Variants in ECT2L observed in about 807,000 individuals in gnomAD.
ECT2L encodes the protein epithelial cell-transforming sequence 2 oncogene-like.
Under a neutral mutation model 122.8 loss-of-function variants are expected in ECT2L, and 126 were observed. The ratio of observed to expected loss-of-function variants is 1.03; its 90% CI spans 0.89 to 1.19. ECT2L has a LOEUF of 1.19. ECT2L is among the 50% of genes most tolerant of loss of function. The probability of loss-of-function intolerance (pLI) is 0.00; values close to 1 mark genes in which losing one functional copy is unlikely to be tolerated. For synonymous variants in ECT2L, 385 were observed against 381.8 expected, an observed-to-expected ratio of 1.01 and a Z score of -0.10; for missense variants, 1,012 against 1,064.1, an observed-to-expected ratio of 0.95 and a Z score of 0.68.
Position 138,838,427 on chromosome 6 carries a change from T to G in ECT2L, c.255T>G (p.Ile85Met). Reference sequence around the variant, plus strand: ...TCTCTACAGTGTTACCACGCTTCATTTCTCTATATATCTTTTCCTTTTTGA... The same window carrying G: ...TCTCTACAGTGTTACCACGCTTCATGTCTCTATATATCTTTTCCTTTTTGA... ...VDFSTVLPRF[I>M]SLYIFSFLSP... The change falls in exon 5 of 22, where the codon ATT becomes ATG. Residue 85 changes from isoleucine to methionine, a missense_variant. Ile to Met is a conservative substitution (Grantham distance 10, BLOSUM62 1). Transcript: ENST00000541398. 1 of 1,614,090 alleles carries G rather than the reference T, an allele frequency of 6.2e-7. No individual in the cohort carries two copies.
rs11398299 is a variant in ECT2L at position 138,844,795 on chromosome 6, C to CTTT, written c.764+231_764+233dup. On this transcript the variant is annotated intron_variant, in intron 7 of 21. Transcript: ENST00000541398. ...ATACAAAACTTACATTTTAAATGTTCTTTTTTTTTTTTTTTTTTGATATGA... is the reference window on the plus strand; with the variant it reads ...ATACAAAACTTACATTTTAAATGTTCTTTTTTTTTTTTTTTTTTTTTGATATGA... Among the ~76,000 whole-genome samples, 1,059 of 126,644 alleles carry CTTT rather than the reference C, an allele frequency of 8.4e-3. 44 individuals carry two copies. The highest frequency in any genetic ancestry group is 0.03 in the African/African-American group (985 of 33,374). The allele number at this position is 126,644 out of a possible 152,430, so 83.1% of individuals were successfully genotyped here.
chr6:138,884,373 C>G, intron 16 of ECT2L, among the ~76,000 whole-genome samples: 1 of 152,038 alleles, frequency 6.6e-6, no homozygotes, highest in Admixed American at 6.5e-5. Context: ...TGCGGTGGCT[C>G]ACACCTGTAA....
At chr6:138,845,747 C>T (rs892628127) in intron 7 of ECT2L, among the ~76,000 whole-genome samples, 1 of 152,174 alleles carries the variant, frequency 6.6e-6, no homozygotes, top group African/African-American at 2.4e-5. Context: ...TGAATGTGTG[C>T]ATGTACATTT....
chr6:138,842,246 G>A (rs1777063697), intron 5 of ECT2L, among the ~76,000 whole-genome samples: 1 of 151,460 alleles, frequency 6.6e-6, no homozygotes, highest in Non-Finnish European at 1.5e-5. Flanking sequence ...ATCACCTGAA[G>A]TCAGGAGTTC....
intron 5 of ECT2L, among the ~76,000 whole-genome samples, chr6:138,841,151 ATATT>A (rs1395878510): frequency 6.6e-6 from 1 of 152,218 alleles, no homozygotes; most frequent in Non-Finnish European, 1.5e-5. Flanking sequence ...TATTTTAGAT[ATATT>A]AATTATAGAG....
In ECT2L at chr6:138,873,898, G is replaced by GTGTGTGTGTGTGTGTGTGTGTA. The variant is rs1322374875; in HGVS notation, c.1579-2557_1579-2556insGTGTATGTGTGTGTGTGTGTGT. Among the ~76,000 whole-genome samples, 729 of 150,106 alleles carry GTGTGTGTGTGTGTGTGTGTGTA rather than the reference G, an allele frequency of 4.9e-3. 6 individuals carry two copies. Among genetic ancestry groups the GTGTGTGTGTGTGTGTGTGTGTA allele is most frequent in the African/African-American group, 0.017 (698 of 40,342 alleles). The stretch of plus-strand genomic sequence containing the variant: ...TGTGTGTGTGTGTGTGTGTGTGTGT[G>GTGTGTGTGTGTGTGTGTGTGTA]TGTGTGTGTGTGTGTGTCCATCCAT... On this transcript the variant is annotated intron_variant, in intron 13 of 21. Transcript: ENST00000541398.
chr6:138,832,863 T>C lies in ECT2L; in HGVS notation c.180-5489T>C, dbSNP rs58324987. Reference sequence around the variant, plus strand: ...AGCTGTTTGAAATTAGTTCATAGCATATTAGTCCATTTCACACTGCTATAA... The same window carrying C: ...AGCTGTTTGAAATTAGTTCATAGCACATTAGTCCATTTCACACTGCTATAA... On this transcript the variant is annotated intron_variant, in intron 4 of 21. Coordinates refer to ENST00000541398, the MANE Select transcript of ECT2L (RefSeq NM_001077706.3). Among the ~76,000 whole-genome samples the C allele has an allele frequency of 6.3e-3, 965 of 152,256 alleles. 10 individuals carry two copies. The highest frequency in any genetic ancestry group is 0.021 in the African/African-American group (878 of 41,544).
intron 20 of ECT2L, among the ~76,000 whole-genome samples, chr6:138,892,877 T>C (rs372631432): frequency 6.6e-6 from 1 of 152,184 alleles, no homozygotes; most frequent in Non-Finnish European, 1.5e-5. Flanking sequence ...TGAAGTTTTA[T>C]GTTTACCTGG....
chr6:138,827,172 C>T (rs1776479329), intron 4 of ECT2L, among the ~76,000 whole-genome samples: 1 of 152,144 alleles, frequency 6.6e-6, no homozygotes, highest in Non-Finnish European at 1.5e-5. Flanking sequence ...CATGGTGAAA[C>T]CCTGTCTCTA....
intron 9 of ECT2L, among the ~76,000 whole-genome samples, chr6:138,851,013 A>AAAAAAAAAG (rs1777427661): frequency 6.7e-6 from 1 of 148,228 alleles, no homozygotes; most frequent in African/African-American, 2.6e-5. Flanking sequence ...AAAAAAAAAA[A>AAAAAAAAAG]AAAAAAAAAA....
intron 8 of ECT2L, among the ~76,000 whole-genome samples, chr6:138,847,163 G>A (rs1283327410): frequency 6.6e-5 from 10 of 150,846 alleles, no homozygotes; most frequent in Non-Finnish European, 1.3e-4. Context: ...CCAGCTACTC[G>A]GGAGAGTGAG....
chr6:138,799,332 C>T (rs1327391186), intron 1 of ECT2L, among the ~76,000 whole-genome samples: 1 of 151,366 alleles, frequency 6.6e-6, no homozygotes, highest in Non-Finnish European at 1.5e-5. Context: ...CGGCTCACTG[C>T]AAGCTCCGCC....
intron 4 of ECT2L, among the ~76,000 whole-genome samples, chr6:138,825,442 T>C (rs1049081168): frequency 6.6e-6 from 1 of 151,298 alleles, no homozygotes; most frequent in Non-Finnish European, 1.5e-5. Context: ...ACTAGCCAGG[T>C]GTGGTGGGGG....
At chr6:138,878,540 A>G (rs985279494) in intron 14 of ECT2L, among the ~76,000 whole-genome samples, 1 of 152,110 alleles carries the variant, frequency 6.6e-6, no homozygotes, top group African/African-American at 2.4e-5. Context: ...TCTGCCTCCC[A>G]GGTTCCAGTG....
chr6:138,839,749 TTA>T (rs1776974092), intron 5 of ECT2L, among the ~76,000 whole-genome samples: 1 of 152,236 alleles, frequency 6.6e-6, no homozygotes, highest in East Asian at 1.9e-4. Flanking sequence ...CCCATTTGTT[TTA>T]TGTTTTTTTC....
intron 10 of ECT2L, among the ~76,000 whole-genome samples, chr6:138,858,063 T>G (rs548573345): frequency 6.6e-5 from 10 of 152,204 alleles, no homozygotes; most frequent in African/African-American, 2.2e-4. Context: ...CTTAATTCAA[T>G]TATCTCCACC....
intron 4 of ECT2L, among the ~76,000 whole-genome samples, chr6:138,817,494 G>A (rs1306057953): frequency 5.9e-5 from 9 of 152,100 alleles, no homozygotes; most frequent in Non-Finnish European, 1.0e-4. Context: ...TTCTTTCAAG[G>A]TAGAGAGGCC....
intron 10 of ECT2L, among the ~76,000 whole-genome samples, chr6:138,856,649 T>G (rs1777621647): frequency 6.6e-6 from 1 of 152,208 alleles, no homozygotes; most frequent in South Asian, 2.1e-4. Context: ...GCAAAGAATC[T>G]GAACTTGTCT....
At chr6:138,862,571 G>T in intron 10 of ECT2L, 56 bp from the exon 11 acceptor site, 1 of 1,515,480 alleles carries the variant, frequency 6.6e-7, no homozygotes, top group South Asian at 1.1e-5. Flanking sequence ...CAAGTTATAT[G>T]ATCTTCCATG....
Sources: allele counts gnomAD v4.1 joint callset (sites outside exome capture counted in the v4.1 genomes callset), GRCh38; gene constraint gnomAD v4.1.1; transcripts MANE v1.5; gene names NCBI Gene and HGNC (gene_info 2026-07-23, HGNC 2026-07-21).